Variants in PPP1R9A observed in about 807,000 individuals in gnomAD.
PPP1R9A encodes neurabin-1.
A neutral mutation model predicts 141.9 loss-of-function variants in PPP1R9A; 59 were observed. The ratio of observed to expected loss-of-function variants is 0.42; its 90% CI spans 0.34 to 0.52. The LOEUF is 0.52. Ranked by LOEUF, PPP1R9A falls within the 20% of genes least tolerant of loss-of-function variation. The pLI is 0.10. For synonymous variants in PPP1R9A, 500 were observed against 569.7 expected, an observed-to-expected ratio of 0.88 and a Z score of 1.74; for missense variants, 1,444 against 1,611.9, an observed-to-expected ratio of 0.90 and a Z score of 1.78.
chr7:95,289,076 G>T (rs1563571114), intron 19 of PPP1R9A, among the ~76,000 whole-genome samples: 1 of 152,210 alleles, frequency 6.6e-6, no homozygotes, highest in African/African-American at 2.4e-5. Flanking sequence ...AGATCCACGA[G>T]TCTTCTTTTC....
chr7:95,015,443 T>G (rs993112736), intron 2 of PPP1R9A, among the ~76,000 whole-genome samples: 19 of 152,096 alleles, frequency 1.2e-4, no homozygotes, highest in African/African-American at 4.6e-4. Flanking sequence ...GAATTCTGAA[T>G]GAAATCTCAC....
chr7:95,277,719 A>G (rs571897258), intron 16 of PPP1R9A, among the ~76,000 whole-genome samples: 1 of 152,326 alleles, frequency 6.6e-6, no homozygotes, highest in South Asian at 2.1e-4. Flanking sequence ...AAGCCACTAC[A>G]CCCAGCCAAC....
intron 2 of PPP1R9A, among the ~76,000 whole-genome samples, chr7:95,095,612 T>C (rs2152367922): frequency 6.6e-6 from 1 of 152,342 alleles, no homozygotes; most frequent in South Asian, 2.1e-4. Context: ...TGATCCAGAA[T>C]TGGTCAATTA....
chr7:95,093,034 A>G (rs1817563353), intron 2 of PPP1R9A, among the ~76,000 whole-genome samples: 2 of 152,194 alleles, frequency 1.3e-5, no homozygotes, highest in Non-Finnish European at 2.9e-5. Context: ...CCTTCCCGAT[A>G]TCAATATGGC....
intron 2 of PPP1R9A, among the ~76,000 whole-genome samples, chr7:94,940,965 T>C (rs1360844104): frequency 2.0e-5 from 3 of 152,102 alleles, no homozygotes; most frequent in Admixed American, 6.6e-5. Flanking sequence ...CAGACCCCTT[T>C]AGGCAACAAC....
At chr7:94,994,885 C>G (rs973552964) in intron 2 of PPP1R9A, among the ~76,000 whole-genome samples, 1 of 150,368 alleles carries the variant, frequency 6.7e-6, no homozygotes, top group Non-Finnish European at 1.5e-5. Context: ...AACGAGACTC[C>G]GTCTCAAAAA....
intron 2 of PPP1R9A, among the ~76,000 whole-genome samples, chr7:94,924,032 G>T (rs939514258): frequency 2.6e-5 from 4 of 151,874 alleles, no homozygotes; most frequent in Non-Finnish European, 4.4e-5. Flanking sequence ...TTGTATACTG[G>T]GTTTCTAGTA....
At position 95,202,273 on chromosome 7, in the gene PPP1R9A, A is replaced by G. The variant is rs189201165; in HGVS notation, c.1891-1392A>G. On this transcript the variant is annotated intron_variant, in intron 6 of 19. Coordinates refer to ENST00000433360, the MANE Select transcript of PPP1R9A (RefSeq NM_001166160.2). ...TTTTTTTCTTCCTCTACATCTTTAG[A>G]AGGGTTTAAAATAAGCAAACAGCCA... 5.5e-3 allele frequency among the ~76,000 whole-genome samples: 838 copies of G among 152,150 alleles called. 7 individuals carry two copies. The highest frequency in any genetic ancestry group is 0.019 in the African/African-American group (792 of 41,526).
At chr7:95,152,015 A>C (rs1828786115) in intron 4 of PPP1R9A, among the ~76,000 whole-genome samples, 1 of 135,480 alleles carries the variant, frequency 7.4e-6, no homozygotes, top group Non-Finnish European at 1.5e-5. Flanking sequence ...GCAGTAGCAC[A>C]ATCTTGGCTC....
intron 8 of PPP1R9A, among the ~76,000 whole-genome samples, chr7:95,244,578 C>T (rs531028190): frequency 3.9e-5 from 6 of 152,264 alleles, no homozygotes; most frequent in Non-Finnish European, 7.4e-5. Flanking sequence ...CTGCATGCCA[C>T]GTATTTGGTT....
chr7:95,120,802 C>T lies in PPP1R9A; in HGVS notation c.1619C>T (p.Thr540Ile), dbSNP rs1822431009. ...CTGGGAATATTCGTCAAGACAGTAACAGAAGGTGGTGCTGCTCAACGGGAT... is the reference window on the plus strand; with the variant it reads ...CTGGGAATATTCGTCAAGACAGTAATAGAAGGTGGTGCTGCTCAACGGGAT... ...EKLGIFVKTV[T>I]EGGAAQRDGR... The change falls in exon 4 of 20, where the codon ACA becomes ATA. Residue 540 changes from threonine to isoleucine, a missense_variant. Thr to Ile is a moderately conservative substitution (Grantham distance 89, BLOSUM62 -1). This residue lies in a region of PPP1R9A where 488 missense variants were observed against 542.0 expected (regional missense o/e 0.90). Transcript: ENST00000433360. The T allele has an allele frequency of 1.9e-6, 3 of 1,613,806 alleles. No homozygotes were observed. Among genetic ancestry groups the T allele is most frequent in the Non-Finnish European group, 2.5e-6 (3 of 1,179,848 alleles).
At chr7:95,222,898 C>T (rs1008478951) in intron 7 of PPP1R9A, among the ~76,000 whole-genome samples, 2 of 151,860 alleles carry the variant, frequency 1.3e-5, no homozygotes, top group Non-Finnish European at 2.9e-5. Context: ...TTTCCATTTT[C>T]AATAAAGATA....
chr7:94,944,355 G>A (rs1795655636), intron 2 of PPP1R9A, among the ~76,000 whole-genome samples: 1 of 151,860 alleles, frequency 6.6e-6, no homozygotes, highest in South Asian at 2.1e-4. Flanking sequence ...AATAATGCTG[G>A]AGTTTATCAC....
At chr7:95,075,020 A>G (rs1363394739) in intron 2 of PPP1R9A, among the ~76,000 whole-genome samples, 1 of 151,932 alleles carries the variant, frequency 6.6e-6, no homozygotes, top group African/African-American at 2.4e-5. Flanking sequence ...TAATTGGTTC[A>G]TTTTTCTATT....
chr7:94,972,631 T>C (rs1216328803), intron 2 of PPP1R9A, among the ~76,000 whole-genome samples: 2 of 152,196 alleles, frequency 1.3e-5, no homozygotes, highest in Non-Finnish European at 2.9e-5. Context: ...CTGTGTTTCC[T>C]GGGTTTGAGT....
intron 4 of PPP1R9A, among the ~76,000 whole-genome samples, chr7:95,142,276 TA>T (rs1196433236): frequency 6.6e-6 from 1 of 152,142 alleles, no homozygotes; most frequent in Non-Finnish European, 1.5e-5. Context: ...ACATAATATG[TA>T]AACATTTTCT....
intron 2 of PPP1R9A, among the ~76,000 whole-genome samples, chr7:94,962,715 T>C (rs1375145363): frequency 1.3e-5 from 2 of 152,130 alleles, no homozygotes; most frequent in Non-Finnish European, 1.5e-5. Flanking sequence ...AAAATTAATA[T>C]ACGTGAAATG....
At chr7:94,911,561 C>T in intron 2 of PPP1R9A, 53 bp downstream of exon 2, 2 of 1,384,662 alleles carry the variant, frequency 1.4e-6, no homozygotes, top group East Asian at 2.3e-5. Context: ...GTACTAGGGC[C>T]TAATTGTATG....
At position 95,251,974 on chromosome 7, in the gene PPP1R9A, G is replaced by A; in HGVS notation, c.2509G>A (p.Ala837Thr). Reference sequence around the variant, plus strand: ...TTTTTCCTAGATTAGAGATTTGGAAGCTGAGGTATTCAGGCTACTGAAGCA... The same window carrying A: ...TTTTTCCTAGATTAGAGATTTGGAAACTGAGGTATTCAGGCTACTGAAGCA... ...GLQVRIRDLE[A>T]EVFRLLKQNG... is the part of the protein sequence containing the mutation. Residue 837 changes from alanine to threonine, a missense_variant, in exon 12 of 20, where the codon GCT (alanine) becomes ACT (threonine). Ala to Thr is a moderately conservative substitution (Grantham distance 58). Around this residue, in one of 5 missense-constraint regions of PPP1R9A, gnomAD observed 488 missense variants for 542.0 expected, o/e 0.90. Coordinates refer to ENST00000433360, the MANE Select transcript of PPP1R9A (RefSeq NM_001166160.2). The A allele has an allele frequency of 1.2e-6, 2 of 1,606,364 alleles. No homozygotes were observed. The highest frequency in any genetic ancestry group is 8.5e-7 in the Non-Finnish European group (1 of 1,178,032).
Sources: allele counts gnomAD v4.1 joint callset (sites outside exome capture counted in the v4.1 genomes callset), GRCh38; gene constraint gnomAD v4.1.1; regional missense constraint gnomAD v4.1.1; transcripts MANE v1.5; gene names NCBI Gene and HGNC (gene_info 2026-07-23, HGNC 2026-07-21).